Variants in THSD7B observed in about 807,000 individuals in gnomAD.
THSD7B encodes the protein thrombospondin type 1 domain containing 7B.
THSD7B carries 138 observed loss-of-function variants against 213.6 expected under a neutral mutation model. The observed-to-expected ratio is 0.65, with a 90% CI of 0.56 to 0.74. The LOEUF is 0.74. THSD7B is among the 30% of genes least tolerant of loss of function. The pLI is 0.00. For synonymous variants in THSD7B, 742 were observed against 687.0 expected, an observed-to-expected ratio of 1.08 and a Z score of -1.25; for missense variants, 1,931 against 1,991.5, an observed-to-expected ratio of 0.97 and a Z score of 0.58.
rs922202663 is a variant in THSD7B at position 136,811,916 on chromosome 2, C to T, written c.-36+46229C>T. On this transcript the variant is annotated intron_variant, in intron 1 of 27. Coordinates refer to ENST00000409968, the MANE Select transcript of THSD7B (RefSeq NM_001316349.2). ...CATCCTCCATACTCATTGATGTTACCTACCTGATCTCAGTAGGTATTGGAT... is the reference window on the plus strand; with the variant it reads ...CATCCTCCATACTCATTGATGTTACTTACCTGATCTCAGTAGGTATTGGAT... 2.6e-5 allele frequency among the ~76,000 whole-genome samples: 4 copies of T among 152,104 alleles called. No individual in the cohort carries two copies. The East Asian group carries it at 7.7e-4, about 29-fold the overall frequency.
intron 5 of THSD7B, among the ~76,000 whole-genome samples, chr2:137,159,742 A>G (rs1055280443): frequency 2.0e-5 from 3 of 152,094 alleles, no homozygotes; most frequent in African/African-American, 7.2e-5. Flanking sequence ...TTTCTTGTGT[A>G]TCTTTGCCAG....
intron 2 of THSD7B, among the ~76,000 whole-genome samples, chr2:136,891,240 T>C (rs1203205218): frequency 6.6e-6 from 1 of 152,166 alleles, no homozygotes; most frequent in Non-Finnish European, 1.5e-5. Flanking sequence ...ATGTGTTTGA[T>C]CATGGCCCCT....
chr2:137,608,058 C>T (rs1022641817), intron 17 of THSD7B, among the ~76,000 whole-genome samples: 65 of 152,248 alleles, frequency 4.3e-4, no homozygotes, highest in African/African-American at 1.5e-3. Context: ...CCCGTTAATA[C>T]TAACACATAT....
chr2:136,772,665 G>T (rs1681529477), intron 1 of THSD7B, among the ~76,000 whole-genome samples: 1 of 152,088 alleles, frequency 6.6e-6, no homozygotes, highest in South Asian at 2.1e-4. Flanking sequence ...GGGTGCCTGG[G>T]TCACTCTTGT....
At chr2:137,627,564 T>C (rs1158455405) in intron 20 of THSD7B, among the ~76,000 whole-genome samples, 1 of 152,200 alleles carries the variant, frequency 6.6e-6, no homozygotes, top group African/African-American at 2.4e-5. Flanking sequence ...TGTGCTGATG[T>C]TGTTGATAAT....
intron 2 of THSD7B, among the ~76,000 whole-genome samples, chr2:137,029,260 G>A (rs921195208): frequency 6.6e-6 from 1 of 151,864 alleles, no homozygotes; most frequent in Non-Finnish European, 1.5e-5. Context: ...TGTATTTTTA[G>A]TAGAGACGGG....
intron 2 of THSD7B, among the ~76,000 whole-genome samples, chr2:137,047,804 G>A (rs1573788213): frequency 6.6e-6 from 1 of 152,186 alleles, no homozygotes; most frequent in African/African-American, 2.4e-5. Flanking sequence ...CTAGATAAAT[G>A]TGCATAGGGC....
intron 2 of THSD7B, among the ~76,000 whole-genome samples, chr2:137,011,268 T>C (rs1236871055): frequency 2.0e-5 from 3 of 152,206 alleles, no homozygotes; most frequent in Non-Finnish European, 4.4e-5. Context: ...TAAAGCTTTA[T>C]ATTCCATTTG....
chr2:136,825,388 G>A (rs557429266), intron 1 of THSD7B, among the ~76,000 whole-genome samples: 64 of 152,246 alleles, frequency 4.2e-4, no homozygotes, highest in African/African-American at 1.5e-3. Flanking sequence ...CTTTCAAGAA[G>A]CTCTGAAAGC....
intron 14 of THSD7B, among the ~76,000 whole-genome samples, chr2:137,445,965 T>C (rs2105059756): frequency 6.6e-6 from 1 of 151,258 alleles, no homozygotes; most frequent in Non-Finnish European, 1.5e-5. Flanking sequence ...ATTGAGAAAA[T>C]CACAACATGC....
intron 12 of THSD7B, among the ~76,000 whole-genome samples, chr2:137,285,581 CTT>C (rs200149229): frequency 3.4e-4 from 43 of 126,614 alleles, no homozygotes; most frequent in Middle Eastern, 4.1e-3. Flanking sequence ...TTCAGGAGCT[CTT>C]TTTTTTTTTT....
chr2:136,915,748 C>T (rs1252465080), intron 2 of THSD7B, among the ~76,000 whole-genome samples: 1 of 152,180 alleles, frequency 6.6e-6, no homozygotes, highest in African/African-American at 2.4e-5. Context: ...GGTTCAAACC[C>T]ACTCTGATTC....
intron 7 of THSD7B, among the ~76,000 whole-genome samples, chr2:137,187,559 T>A (rs1342032603): frequency 6.6e-6 from 1 of 152,198 alleles, no homozygotes; most frequent in Non-Finnish European, 1.5e-5. Context: ...GAGACAGGTA[T>A]CTTCCTGATC....
At chr2:137,116,270 G>C (rs1688446159) in intron 5 of THSD7B, among the ~76,000 whole-genome samples, 1 of 152,180 alleles carries the variant, frequency 6.6e-6, no homozygotes, top group Non-Finnish European at 1.5e-5. Flanking sequence ...GTGCTAAAAG[G>C]CCACATTGAC....
In THSD7B at chr2:137,642,514, A is replaced by G. The variant is rs1330285411; in HGVS notation, c.3826A>G (p.Ile1276Val). 1 of 1,613,884 alleles carries G rather than the reference A, an allele frequency of 6.2e-7. No individual in the cohort carries two copies. The highest frequency in any genetic ancestry group is 1.1e-5 in the South Asian group (1 of 91,068). ...TCGAATGAGCCGGACTCGATTTATC[A>G]TTATGCCAACCCAAGGAGAAGGACG... is the stretch of plus-strand genomic sequence containing the variant. ...GGRMSRTRFI[I>V]MPTQGEGRPC... The change falls in exon 21 of 28, where the codon ATT becomes GTT. Residue 1276 changes from isoleucine (I) to valine (V), a missense_variant. By Grantham distance (29) the Ile-to-Val change is conservative. Coordinates refer to ENST00000409968, the MANE Select transcript of THSD7B (RefSeq NM_001316349.2).
At chr2:137,605,395 T>C (rs1221703192) in intron 17 of THSD7B, among the ~76,000 whole-genome samples, 2 of 152,122 alleles carry the variant, frequency 1.3e-5, no homozygotes, top group Admixed American at 6.6e-5. Context: ...GATTAATACA[T>C]GTAAATCACT....
intron 12 of THSD7B, among the ~76,000 whole-genome samples, chr2:137,387,187 C>T (rs754429132): frequency 6.6e-5 from 10 of 152,204 alleles, no homozygotes; most frequent in Non-Finnish European, 1.3e-4. Flanking sequence ...AACATGTGGC[C>T]TCAGTCATCA....
chr2:136,768,240 G>T (rs1681442623), intron 1 of THSD7B, among the ~76,000 whole-genome samples: 1 of 152,166 alleles, frequency 6.6e-6, no homozygotes, highest in African/African-American at 2.4e-5. Context: ...TCAGCAAAAA[G>T]AATGTTGTCC....
intron 12 of THSD7B, among the ~76,000 whole-genome samples, chr2:137,358,539 C>A (rs966481034): frequency 1.3e-5 from 2 of 152,158 alleles, no homozygotes; most frequent in African/African-American, 4.8e-5. Context: ...AAAAATACCA[C>A]CCCTCTTATT....
Sources: allele counts gnomAD v4.1 joint callset (sites outside exome capture counted in the v4.1 genomes callset), GRCh38; gene constraint gnomAD v4.1.1; transcripts MANE v1.5; gene names NCBI Gene and HGNC (gene_info 2026-07-23, HGNC 2026-07-21).